The following PPM1A variants were observed in gnomAD, a reference collection of about 807,000 sequenced individuals.
The protein encoded by PPM1A is protein phosphatase, Mg2+/Mn2+ dependent 1A, also known as protein phosphatase 1A.
A neutral mutation model predicts 35.0 loss-of-function variants in PPM1A; 7 were observed. The observed-to-expected ratio is 0.20, with a 90% CI of 0.11 to 0.38. The LOEUF is 0.38. Among genes scored for constraint, PPM1A ranks in the 10% least tolerant of loss-of-function variants. The pLI, the probability that PPM1A is intolerant of heterozygous loss-of-function variation, is 1.00. For missense variants in PPM1A, 239 were observed against 467.8 expected (o/e 0.51, Z 4.51); for synonymous variants, 153 against 167.3 (o/e 0.91, Z 0.66).
chr14:60,271,349 A>G (rs1885082414), intron 1 of PPM1A, among the ~76,000 whole-genome samples: 2 of 152,140 alleles, frequency 1.3e-5, no homozygotes, highest in African/African-American at 4.8e-5. Flanking sequence ...TTTTTTCCAA[A>G]TAAGGTAACA....
chr14:60,274,189 G>A (rs1416032105), intron 1 of PPM1A, among the ~76,000 whole-genome samples: 2 of 152,184 alleles, frequency 1.3e-5, no homozygotes, highest in Admixed American at 6.5e-5. Context: ...TGTGTGTGTA[G>A]CATCTTGAAA....
rs963831113 is a variant in PPM1A, at chr14:60,293,335, C to G, written c.*853C>G. 6.6e-6 allele frequency: 1 copy of G among 151,946 alleles called. No homozygotes were observed. The highest frequency in any genetic ancestry group is 2.4e-5 in the African/African-American group (1 of 41,396). 9.4% of individuals were successfully genotyped at this position (151,946 alleles called of 1,614,324 possible). On this transcript the variant is annotated 3_prime_UTR_variant, in exon 6 of 6. Transcript: ENST00000395076. The surrounding 1 kb of genome is among the most constrained non-coding windows in gnomAD (Gnocchi z 4.0). ...TCTGAATTCCATTTTATCAATAAAG[C>G]TTGATTTAACAAACAAGAAACTTAA...
At chr14:60,257,626 A>G (rs998643809) in intron 1 of PPM1A, among the ~76,000 whole-genome samples, 1 of 152,208 alleles carries the variant, frequency 6.6e-6, no homozygotes, top group African/African-American at 2.4e-5. Context: ...GTACTGTTTT[A>G]AAGAATAAGA....
In PPM1A at chr14:60,291,549, A is replaced by C. The variant is rs1887636287; in HGVS notation, c.1119+95A>C. 35 of 963,548 alleles carry C rather than the reference A, an allele frequency of 3.6e-5. No individual in the cohort carries two copies. The South Asian group carries it at 6.7e-4, about 18-fold the overall frequency. 59.7% of individuals were successfully genotyped at this position (963,548 alleles called of 1,614,324 possible). A position where few individuals can be genotyped will look rare whatever the true frequency, so the allele number is the denominator to read the frequency against. On this transcript the variant is annotated intron_variant, in intron 5 of 5. Transcript: ENST00000395076. ...TTTTGCAGAGCTGTTCACTGTACCC[A>C]TTCTCTTACACACACCCCTGATTGA...
At chr14:60,245,953 A>C (rs74955576), upstream of PPM1A, 137 of 1,578,128 alleles carry the variant, frequency 8.7e-5, no homozygotes, top group African/African-American at 1.8e-3. This position sits in a 1 kb window ranked among gnomAD's most constrained non-coding sequence, Gnocchi z 4.2. Context: ...GAAGGCAAAA[A>C]GAGAAGAGAA....
upstream of PPM1A, among the ~76,000 whole-genome samples, chr14:60,246,850 G>A (rs187105870): frequency 1.2e-3 from 187 of 152,234 alleles, 1 homozygote; most frequent in Non-Finnish European, 3.1e-4. Flanking sequence ...TGTACAATGC[G>A]TAGACTCCTT....
At position 60,273,349 on chromosome 14, in the gene PPM1A, G is replaced by A. The variant is rs1313604046; in HGVS notation, c.-20-9335G>A. 6.6e-6 allele frequency among the ~76,000 whole-genome samples: 1 copy of A among 152,034 alleles called. No homozygotes were observed. The highest frequency in any genetic ancestry group is 1.9e-4 in the East Asian group (1 of 5,176). On this transcript the variant is annotated intron_variant, in intron 1 of 5. Coordinates refer to ENST00000395076, the MANE Select transcript of PPM1A (RefSeq NM_021003.5). This position sits in a 1 kb window ranked among gnomAD's most constrained non-coding sequence, Gnocchi z 4.3. ...TGTTAAGGTAGGGAAAGTAGCATTT[G>A]TTTATATATTTGGAGGAAGGAAGTA...
chr14:60,284,947 CT>C (rs1196812497), intron 2 of PPM1A, among the ~76,000 whole-genome samples: 1 of 151,646 alleles, frequency 6.6e-6, no homozygotes, highest in Non-Finnish European at 1.5e-5. Context: ...CAAATGTTGA[CT>C]TTTTAAAATT....
intron 1 of PPM1A, among the ~76,000 whole-genome samples, chr14:60,277,550 T>G (rs1159674123): frequency 6.6e-6 from 1 of 152,110 alleles, no homozygotes; most frequent in African/African-American, 2.4e-5. Context: ...TATATATTTT[T>G]TAAAGTCTGG....
rs570529060 is a variant in PPM1A at position 60,282,503 on chromosome 14, A to C, written c.-20-181A>C. ...TTTTGTCTGTTGTGATCTGTGCTTC[A>C]TCAGGCTTTCCCCCAGTTCCTCCTT... is the stretch of plus-strand genomic sequence containing the variant. On this transcript the variant is annotated intron_variant, in intron 1 of 5. Transcript: ENST00000395076. The surrounding 1 kb of genome is among the most constrained non-coding windows in gnomAD (Gnocchi z 5.1). Among the ~76,000 whole-genome samples the C allele has an allele frequency of 6.6e-6, 1 of 152,134 alleles. No individual in the cohort carries two copies. The highest frequency in any genetic ancestry group is 1.5e-5 in the Non-Finnish European group (1 of 68,026).
chr14:60,290,157 C>G (rs1364077691), intron 4 of PPM1A, among the ~76,000 whole-genome samples: 1 of 151,976 alleles, frequency 6.6e-6, no homozygotes, highest in Non-Finnish European at 1.5e-5. Context: ...CATTGATTTC[C>G]TCATAGAGCA....
intron 1 of PPM1A, among the ~76,000 whole-genome samples, chr14:60,271,070 C>T (rs962028527): frequency 6.6e-6 from 1 of 152,142 alleles, no homozygotes; most frequent in Non-Finnish European, 1.5e-5. Flanking sequence ...TGCTCACTCC[C>T]GAGGCTTTAA....
chr14:60,247,122 G>C (rs138839035), upstream of PPM1A, among the ~76,000 whole-genome samples: 353 of 152,306 alleles, frequency 2.3e-3, no homozygotes, highest in African/African-American at 8.3e-3. Flanking sequence ...ATGTTAATGA[G>C]TCCACCAGCA....
Position 60,282,367 on chromosome 14 carries a change from T to C in PPM1A, c.-20-317T>C, listed in dbSNP as rs908094871. On this transcript the variant is annotated intron_variant, in intron 1 of 5. Transcript: ENST00000395076. The surrounding 1 kb of genome is among the most constrained non-coding windows in gnomAD (Gnocchi z 5.1). The stretch of plus-strand genomic sequence containing the variant: ...TACAACTTAGTCCTGAGCTTACACA[T>C]GTTCATTGTATCATTAAACATTTAG... Among the ~76,000 whole-genome samples, 2 of 152,340 alleles carry C rather than the reference T, an allele frequency of 1.3e-5. No homozygotes were observed. The highest frequency in any genetic ancestry group is 3.4e-3 in the Middle Eastern group (1 of 294).
At chr14:60,262,455 G>A (rs987483761) in intron 1 of PPM1A, among the ~76,000 whole-genome samples, 1 of 152,150 alleles carries the variant, frequency 6.6e-6, no homozygotes, top group African/African-American at 2.4e-5. Flanking sequence ...AAGCCGAGGC[G>A]GGAGGATTGC....
rs1566599977 is a variant in PPM1A, at chr14:60,283,589, C to T, written c.834+52C>T. The T allele has an allele frequency of 2.0e-6, 3 of 1,508,688 alleles. No individual in the cohort carries two copies. Among genetic ancestry groups the T allele is most frequent in the Non-Finnish European group, 2.7e-6 (3 of 1,124,540 alleles). The allele number at this position is 1,508,688 out of a possible 1,614,324, so 93.5% of individuals were successfully genotyped here. On this transcript the variant is annotated intron_variant, in intron 2 of 5. Transcript: ENST00000395076. This position sits in a 1 kb window ranked among gnomAD's most constrained non-coding sequence, Gnocchi z 6.3. ...AAATGATTTTATGCCATATTAATCA[C>T]TACTCTAGTATTTAATCATCTTAGA...
At chr14:60,258,607 A>G (rs1041172496) in intron 1 of PPM1A, among the ~76,000 whole-genome samples, 1 of 152,012 alleles carries the variant, frequency 6.6e-6, no homozygotes, top group African/African-American at 2.4e-5. Context: ...AGGGTCCAAT[A>G]TTTTCTTTTT....
chr14:60,291,486 C>T, intron 5 of PPM1A, 32 bp downstream of exon 5: 1 of 1,516,680 alleles, frequency 6.6e-7, no homozygotes, highest in Non-Finnish European at 9.0e-7. Context: ...TCTGCTTTCC[C>T]TTCCCCTCCA....
In PPM1A at chr14:60,289,111, A is replaced by G. The variant is rs778134281; in HGVS notation, c.953-695A>G. On this transcript the variant is annotated intron_variant, in intron 3 of 5. Transcript: ENST00000395076. This position sits in a 1 kb window ranked among gnomAD's most constrained non-coding sequence, Gnocchi z 4.1. ...TTTAAATGCAGTTGTATGGTTTATC[A>G]AATGGTTCTCTTTTTAAACATTTTA... Among the ~76,000 whole-genome samples the G allele has an allele frequency of 1.3e-4, 20 of 152,118 alleles. No homozygotes were observed. The highest frequency in any genetic ancestry group is 2.6e-4 in the Non-Finnish European group (18 of 67,954).
Sources: allele counts gnomAD v4.1 joint callset (sites outside exome capture counted in the v4.1 genomes callset), GRCh38; gene constraint gnomAD v4.1.1; non-coding constraint Gnocchi (gnomAD v3.1); transcripts MANE v1.5; gene names NCBI Gene and HGNC (gene_info 2026-07-23, HGNC 2026-07-21).